Variants in SLC9A1 observed in about 807,000 individuals in gnomAD.
SLC9A1 encodes the protein sodium/hydrogen exchanger 1.
SLC9A1 carries 22 observed loss-of-function variants against 67.9 expected under a neutral mutation model. The observed-to-expected ratio is 0.32, with a 90% CI of 0.23 to 0.46. SLC9A1 has a LOEUF of 0.46. Ranked by LOEUF, SLC9A1 falls within the 20% of genes least tolerant of loss-of-function variation. SLC9A1 has a pLI of 1.00. For synonymous variants in SLC9A1, 421 were observed against 471.8 expected, an observed-to-expected ratio of 0.89 and a Z score of 1.40; for missense variants, 686 against 1,094.8, an observed-to-expected ratio of 0.63 and a Z score of 5.27.
At chr1:27,151,574 C>T (rs1321782295) in intron 1 of SLC9A1, among the ~76,000 whole-genome samples, 1 of 152,130 alleles carries the variant, frequency 6.6e-6, no homozygotes, top group Non-Finnish European at 1.5e-5. Flanking sequence ...GTTGGCCAGG[C>T]TGGTATCAAA....
chr1:27,109,619 G>A lies in SLC9A1; in HGVS notation c.972C>T (p.Ser324=), dbSNP rs1008765378. 6.2e-7 allele frequency: 1 copy of A among 1,613,924 alleles called. No individual in the cohort carries two copies. The highest frequency in any genetic ancestry group is 8.5e-7 in the Non-Finnish European group (1 of 1,179,978). ...VIAAFTSRFT[S]HIRVIEPLFV... is the part of the protein sequence containing the mutation. Reference sequence around the variant, plus strand: ...AGAGCGGCTCGATGACCCGGATGTGGGAGGTAAATCGGGAGGTGAAGGCTG... The same window carrying A: ...AGAGCGGCTCGATGACCCGGATGTGAGAGGTAAATCGGGAGGTGAAGGCTG... Residue 324 remains serine, a synonymous_variant, in exon 3 of 12, where the codon TCC becomes TCT. Transcript: ENST00000263980. This position sits in a 1 kb window ranked among gnomAD's most constrained non-coding sequence, Gnocchi z 5.5.
At chr1:27,125,699 A>G (rs2083338768) in intron 1 of SLC9A1, among the ~76,000 whole-genome samples, 1 of 151,906 alleles carries the variant, frequency 6.6e-6, no homozygotes, top group South Asian at 2.1e-4. Context: ...GGTTCAAGCG[A>G]TTCTCCTGCC....
Position 27,101,685 on chromosome 1 carries a change from TG to T in SLC9A1, c.2037+39del. ...GAGGCTGTGGCGGAGCTTGGGCGAG[TG>T]GGGTGGGATACAGATTCCCAGAGGA... On this transcript the variant is annotated intron_variant, in intron 10 of 11. Transcript: ENST00000263980. The surrounding 1 kb of genome is among the most constrained non-coding windows in gnomAD (Gnocchi z 4.9). The T allele has an allele frequency of 1.4e-6, 2 of 1,406,948 alleles. No homozygotes were observed. Among genetic ancestry groups the T allele is most frequent in the Admixed American group, 1.8e-5 (1 of 55,674 alleles). 87.2% of individuals were successfully genotyped at this position (1,406,948 alleles called of 1,614,324 possible). A position where few individuals can be genotyped will look rare whatever the true frequency, so the allele number is the denominator to read the frequency against.
chr1:27,124,973 A>T (rs999030352), intron 1 of SLC9A1, among the ~76,000 whole-genome samples: 6 of 152,046 alleles, frequency 3.9e-5, no homozygotes, highest in African/African-American at 1.4e-4. Context: ...GGTGCTCCTG[A>T]CAGGAAATTC....
intron 1 of SLC9A1, among the ~76,000 whole-genome samples, chr1:27,141,347 T>G (rs902333744): frequency 6.6e-6 from 1 of 152,254 alleles, no homozygotes; most frequent in Non-Finnish European, 1.5e-5. Context: ...CCTGTGGGCA[T>G]GTTTCCAAAG....
In SLC9A1 at chr1:27,101,619, C is replaced by T. The variant is rs1010228451; in HGVS notation, c.2037+106G>A. The T allele has an allele frequency of 7.2e-6, 6 of 833,272 alleles. No homozygotes were observed. The South Asian group carries it at 7.8e-5, about 11-fold the overall frequency. The allele number at this position is 833,272 out of a possible 1,614,324, so 51.6% of individuals were successfully genotyped here. On this transcript the variant is annotated intron_variant, in intron 10 of 11. Coordinates refer to ENST00000263980, the MANE Select transcript of SLC9A1 (RefSeq NM_003047.5). The surrounding 1 kb of genome is among the most constrained non-coding windows in gnomAD (Gnocchi z 4.9). Reference sequence around the variant, plus strand: ...TGCCCTTACACTGCTAAAAGCCCCTCGAAAGCCAAACCCTGTTCCTAGAAT... The same window carrying T: ...TGCCCTTACACTGCTAAAAGCCCCTTGAAAGCCAAACCCTGTTCCTAGAAT...
intron 1 of SLC9A1, among the ~76,000 whole-genome samples, chr1:27,131,508 G>A (rs1332251196): frequency 6.7e-6 from 1 of 150,154 alleles, no homozygotes; most frequent in East Asian, 2.0e-4. Context: ...CGAGTACTTT[G>A]GGAGGCCAAG....
chr1:27,146,047 T>C (rs1468919094), intron 1 of SLC9A1, among the ~76,000 whole-genome samples: 1 of 152,196 alleles, frequency 6.6e-6, no homozygotes, highest in African/African-American at 2.4e-5. Context: ...CCCAGTGCAG[T>C]GTGTGCAGAC....
chr1:27,109,552 G>A lies in SLC9A1; in HGVS notation c.1039C>T (p.Leu347Phe). 4 of 1,613,720 alleles carry A rather than the reference G, an allele frequency of 2.5e-6. No homozygotes were observed. The highest frequency in any genetic ancestry group is 3.4e-6 in the Non-Finnish European group (4 of 1,179,954). Residue 347 changes from leucine to phenylalanine, a missense_variant, in exon 3 of 12, where the codon CTC (leucine) becomes TTC (phenylalanine). Around this residue, in one of 7 missense-constraint regions of SLC9A1, gnomAD observed 168 missense variants for 375.4 expected, o/e 0.45. Coordinates refer to ENST00000263980, the MANE Select transcript of SLC9A1 (RefSeq NM_003047.5). This position sits in a 1 kb window ranked among gnomAD's most constrained non-coding sequence, Gnocchi z 5.5. ...GCCATGATGCCTGACAGGTGGAAGAGCTCGGCTGACAAGTAGGCCATGTAG... is the reference window on the plus strand; with the variant it reads ...GCCATGATGCCTGACAGGTGGAAGAACTCGGCTGACAAGTAGGCCATGTAG... ...YSYMAYLSAELFHLSGIMALI... is the reference protein window; with the variant it reads ...YSYMAYLSAEFFHLSGIMALI...
At position 27,154,438 on chromosome 1, in the gene SLC9A1, C is replaced by A; in HGVS notation, c.-104G>T. 1.5e-6 allele frequency: 1 copy of A among 661,926 alleles called. No individual in the cohort carries two copies. Among genetic ancestry groups the A allele is most frequent in the Non-Finnish European group, 2.4e-6 (1 of 411,132 alleles). 41.0% of individuals were successfully genotyped at this position (661,926 alleles called of 1,614,324 possible). A position where few individuals can be genotyped will look rare whatever the true frequency, so the allele number is the denominator to read the frequency against. ...GTGGGAAGAGAGACTGGCGTAGTCT[C>A]TAGGAAAAGTTCATGTTTTAGAGAG... On this transcript the variant is annotated 5_prime_UTR_variant, in exon 1 of 12. It removes the in-frame stop codon of an upstream open reading frame in the 5' UTR. Transcript: ENST00000263980.
chr1:27,103,232 G>T lies in SLC9A1; in HGVS notation c.1566C>A (p.Ile522=). The T allele has an allele frequency of 6.2e-7, 1 of 1,612,740 alleles. No individual in the cohort carries two copies. The highest frequency in any genetic ancestry group is 1.7e-4 in the Middle Eastern group (1 of 6,056). The change falls in exon 6 of 12, where the codon ATC becomes ATA. Residue 522 remains isoleucine, a synonymous_variant. Transcript: ENST00000263980. ...GCCCGCACTCCAGTACCTGTGTGTG[G>T]ATCTCTTCGTTGATGGAGCGCTTCG... ...QETKRSINEE[I]HTQFLDHLLT...
intron 1 of SLC9A1, among the ~76,000 whole-genome samples, chr1:27,123,509 C>CA (rs1301782326): frequency 2.1e-5 from 3 of 143,498 alleles, no homozygotes; most frequent in Non-Finnish European, 4.6e-5. Flanking sequence ...TTTTATTGGG[C>CA]TTTTTTTTTT....
intron 2 of SLC9A1, among the ~76,000 whole-genome samples, chr1:27,112,839 G>C (rs1451898240): frequency 1.0e-4 from 15 of 146,340 alleles, no homozygotes; most frequent in Non-Finnish European, 1.8e-4. Context: ...AGCTGAGCTT[G>C]CGTCACTGCA....
chr1:27,104,372 G>A (rs1022670291), intron 5 of SLC9A1, among the ~76,000 whole-genome samples: 2 of 151,866 alleles, frequency 1.3e-5, no homozygotes, highest in Admixed American at 6.6e-5. Flanking sequence ...ATGAGCCACC[G>A]CGCCCAGCCT....
chr1:27,122,133 A>G (rs949302117), intron 1 of SLC9A1, among the ~76,000 whole-genome samples: 13 of 151,942 alleles, frequency 8.6e-5, no homozygotes, highest in Middle Eastern at 3.2e-3. Context: ...AAAAACGAAC[A>G]AACAAAAAAC....
In SLC9A1 at chr1:27,124,318, G is replaced by GA. The variant is rs202225750; in HGVS notation, c.353-10033dup. 7.7e-3 allele frequency among the ~76,000 whole-genome samples: 1,149 copies of GA among 149,486 alleles called. 8 individuals are homozygous for GA. Among genetic ancestry groups the GA allele is most frequent in the African/African-American group, 0.013 (536 of 40,836 alleles). On this transcript the variant is annotated intron_variant, in intron 1 of 11. Transcript: ENST00000263980. ...GAGCTTGCAAAATGCAAATCTGAGA[G>GA]AAAAAAAAAATTGAGTATACCAAAT...
At position 27,154,430 on chromosome 1, in the gene SLC9A1, C is replaced by A; in HGVS notation, c.-96G>T. The stretch of plus-strand genomic sequence containing the variant: ...GTCAGCAAGTGGGAAGAGAGACTGG[C>A]GTAGTCTCTAGGAAAAGTTCATGTT... On this transcript the variant is annotated 5_prime_UTR_variant, in exon 1 of 12. Transcript: ENST00000263980. 1 of 705,982 alleles carries A rather than the reference C, an allele frequency of 1.4e-6. No individual in the cohort carries two copies. The highest frequency in any genetic ancestry group is 2.3e-6 in the Non-Finnish European group (1 of 441,054). The allele number at this position is 705,982 out of a possible 1,614,324, so 43.7% of individuals were successfully genotyped here.
At chr1:27,104,342 A>C (rs893977999) in intron 5 of SLC9A1, among the ~76,000 whole-genome samples, 1 of 152,154 alleles carries the variant, frequency 6.6e-6, no homozygotes, top group Non-Finnish European at 1.5e-5. Context: ...TCGGCCTCCC[A>C]AAGTGCTGGG....
Position 27,131,439 on chromosome 1 carries a change from CAAAAAA to C in SLC9A1, c.353-17159_353-17154del, listed in dbSNP as rs35954506. ...TGAAACCCCGTCTCTACTAAAAATA[CAAAAAA>C]AAAAAAAAAAAAAAAAAAAAGAGGC... On this transcript the variant is annotated intron_variant, in intron 1 of 11. Coordinates refer to ENST00000263980, the MANE Select transcript of SLC9A1 (RefSeq NM_003047.5). 2.2e-4 allele frequency among the ~76,000 whole-genome samples: 6 copies of C among 27,490 alleles called. No homozygotes were observed. The Admixed American group carries it at 2.5e-3, about 11-fold the overall frequency. The allele number at this position is 27,490 out of a possible 152,430, so 18.0% of individuals were successfully genotyped here.
Sources: gnomAD v4.1 joint callset for allele counts (sites outside exome capture counted in the v4.1 genomes callset) on GRCh38, gnomAD v4.1.1 for gene constraint, gnomAD v4.1.1 regional missense constraint, Gnocchi (gnomAD v3.1) non-coding constraint, MANE v1.5 for transcripts, NCBI Gene and HGNC (gene_info 2026-07-23, HGNC 2026-07-21) for gene names.